Variants in LAMA2 observed in about 807,000 individuals in gnomAD.
LAMA2 encodes laminin subunit alpha 2.
Under a neutral mutation model 364.8 loss-of-function variants are expected in LAMA2, and 269 were observed. The ratio of observed to expected loss-of-function variants is 0.74; its 90% CI spans 0.67 to 0.82. LAMA2 has a LOEUF of 0.82. LAMA2 is among the 40% of genes least tolerant of loss of function. The pLI is 0.00. For missense variants in LAMA2, 3,807 were observed against 3,873.2 expected (o/e 0.98, Z 0.45); for synonymous variants, 1,379 against 1,370.6 (o/e 1.01, Z -0.14).
chr6:129,394,359 A>C (rs1194736209), intron 37 of LAMA2, among the ~76,000 whole-genome samples: 2 of 152,264 alleles, frequency 1.3e-5, no homozygotes, highest in African/African-American at 4.8e-5. Context: ...GAATACAATC[A>C]ACCAGGATTT....
At chr6:129,236,992 A>G (rs527524925) in intron 12 of LAMA2, among the ~76,000 whole-genome samples, 4 of 152,240 alleles carry the variant, frequency 2.6e-5, no homozygotes, top group Non-Finnish European at 5.9e-5. Context: ...TGACTCTAGT[A>G]CTAGACTGTG....
intron 1 of LAMA2, chr6:128,929,289 C>T: frequency 7.7e-7 from 1 of 1,296,158 alleles, no homozygotes; most frequent in Non-Finnish European, 1.1e-6. Flanking sequence ...ATGCGGATCC[C>T]TGCCCACATG....
chr6:129,408,491 T>A (rs112496912), intron 40 of LAMA2, among the ~76,000 whole-genome samples: 1,854 of 152,254 alleles, frequency 0.012, 30 homozygotes, highest in African/African-American at 0.042. Context: ...GAATAAGGCA[T>A]TCTGGGAGTT....
At chr6:129,121,569 T>G (rs1277112952) in intron 4 of LAMA2, among the ~76,000 whole-genome samples, 1 of 152,170 alleles carries the variant, frequency 6.6e-6, no homozygotes, top group African/African-American at 2.4e-5. Flanking sequence ...CTCATGACAC[T>G]TTATATCAAG....
chr6:129,183,686 C>T (rs1781063675), intron 10 of LAMA2, among the ~76,000 whole-genome samples: 1 of 151,922 alleles, frequency 6.6e-6, no homozygotes, highest in African/African-American at 2.4e-5. Flanking sequence ...TTTAATGGCT[C>T]GGCTTAACTT....
chr6:129,219,493 C>T (rs375658768), intron 12 of LAMA2, among the ~76,000 whole-genome samples: 17 of 151,368 alleles, frequency 1.1e-4, no homozygotes, highest in East Asian at 3.9e-4. Context: ...ACCCAAAGGA[C>T]TATAAATCAT....
At chr6:128,936,940 G>A (rs191526798) in intron 1 of LAMA2, among the ~76,000 whole-genome samples, 5 of 151,866 alleles carry the variant, frequency 3.3e-5, no homozygotes, top group Admixed American at 1.3e-4. Flanking sequence ...CCAACAGGTC[G>A]GTTGTGATAC....
intron 12 of LAMA2, among the ~76,000 whole-genome samples, chr6:129,203,670 A>C (rs572915448): frequency 6.6e-6 from 1 of 152,312 alleles, no homozygotes; most frequent in Admixed American, 6.5e-5. Context: ...GATTTCCATG[A>C]GAATTGGGTG....
rs541378525 is a variant in LAMA2, at chr6:129,456,663, T to A, written c.6867+169T>A. Among the ~76,000 whole-genome samples, 13 of 152,308 alleles carry A rather than the reference T, an allele frequency of 8.5e-5. No individual in the cohort carries two copies. The South Asian group carries it at 2.7e-3, about 32-fold the overall frequency. On this transcript the variant is annotated intron_variant, in intron 48 of 64. Transcript: ENST00000421865. ...GAGTAAGAATTTTCTTCTTTGACGA[T>A]TCAACCTGGAAACACAATATTTTTA...
chr6:129,142,472 C>T (rs75889113), intron 4 of LAMA2, among the ~76,000 whole-genome samples: 2,339 of 152,066 alleles, frequency 0.015, 28 homozygotes, highest in South Asian at 0.034. Context: ...ACCTACCAAA[C>T]GCCTTGCCCC....
intron 1 of LAMA2, among the ~76,000 whole-genome samples, chr6:129,037,809 AC>A (rs1294336735): frequency 6.6e-6 from 1 of 151,912 alleles, no homozygotes; most frequent in Non-Finnish European, 1.5e-5. Flanking sequence ...AGCTGCAACT[AC>A]AGGTGCTTGC....
In LAMA2 at chr6:129,106,875, A is replaced by AATATAT. The variant is rs1554219037; in HGVS notation, c.639+8470_639+8475dup. ...CCTTACTCCTCCAAAAAAAAAAAAA[A>AATATAT]ATATATATATATATACAATGCCCAG... On this transcript the variant is annotated intron_variant, in intron 4 of 64. Transcript: ENST00000421865. Among the ~76,000 whole-genome samples, 46 of 142,626 alleles carry AATATAT rather than the reference A, an allele frequency of 3.2e-4. 1 individual carries two copies. Among genetic ancestry groups the AATATAT allele is most frequent in the South Asian group, 1.5e-3 (7 of 4,546 alleles). 93.6% of individuals were successfully genotyped at this position (142,626 alleles called of 152,430 possible).
chr6:129,438,320 G>A (rs776063872), intron 41 of LAMA2, among the ~76,000 whole-genome samples: 4 of 151,586 alleles, frequency 2.6e-5, no homozygotes, highest in Non-Finnish European at 5.9e-5. Flanking sequence ...ATAACAAGAG[G>A]GCATAATTAC....
rs200632791 is a variant in LAMA2 at position 129,264,052 on chromosome 6, A to AT, written c.2209-3047dup. Among the ~76,000 whole-genome samples the AT allele has an allele frequency of 5.4e-3, 826 of 152,180 alleles. 6 individuals are homozygous for AT. The highest frequency in any genetic ancestry group is 0.019 in the African/African-American group (802 of 41,536). On this transcript the variant is annotated intron_variant, in intron 15 of 64. Coordinates refer to ENST00000421865, the MANE Select transcript of LAMA2 (RefSeq NM_000426.4). ...GGCCAACGCACCCAGCCTGAGTTAC[A>AT]TTTTTTTGAAGAAGGCATTATGGCT... is the stretch of plus-strand genomic sequence containing the variant.
chr6:129,256,501 T>C (rs180809004), intron 14 of LAMA2, among the ~76,000 whole-genome samples: 2 of 152,034 alleles, frequency 1.3e-5, no homozygotes, highest in Admixed American at 6.6e-5. Flanking sequence ...GATATACATA[T>C]ACATACTGTA....
chr6:129,451,829 C>T (rs957542394), intron 45 of LAMA2, among the ~76,000 whole-genome samples: 1 of 152,172 alleles, frequency 6.6e-6, no homozygotes, highest in Non-Finnish European at 1.5e-5. Context: ...CTCTTGGAGA[C>T]ACCTCCTGGT....
intron 2 of LAMA2, among the ~76,000 whole-genome samples, chr6:129,058,466 A>T (rs1788638802): frequency 6.6e-6 from 1 of 152,292 alleles, no homozygotes; most frequent in South Asian, 2.1e-4. Flanking sequence ...TCCTGTTCTT[A>T]TATGTCTGGG....
At chr6:129,114,989 A>G (rs1381039709) in intron 4 of LAMA2, among the ~76,000 whole-genome samples, 1 of 152,086 alleles carries the variant, frequency 6.6e-6, no homozygotes, top group African/African-American at 2.4e-5. Context: ...AAAATAACCT[A>G]TTATTCTAGA....
chr6:128,988,129 G>C (rs570835610), intron 1 of LAMA2, among the ~76,000 whole-genome samples: 90 of 152,286 alleles, frequency 5.9e-4, no homozygotes, highest in African/African-American at 2.1e-3. Context: ...GCCTCCCAAA[G>C]TGCTGGGATT....
Sources: gnomAD v4.1 joint callset for allele counts (sites outside exome capture counted in the v4.1 genomes callset) on GRCh38, gnomAD v4.1.1 for gene constraint, MANE v1.5 for transcripts, NCBI Gene and HGNC (gene_info 2026-07-23, HGNC 2026-07-21) for gene names.